The following PALMD variants were observed in gnomAD, a reference collection of about 807,000 sequenced individuals.
The protein encoded by PALMD is palmdelphin.
In PALMD, 42 loss-of-function variants were observed where a neutral mutation model predicts 56.2. The observed-to-expected ratio is 0.75, with a 90% CI of 0.58 to 0.97. PALMD has a LOEUF of 0.97. Among genes scored for constraint, PALMD ranks in the 50% least tolerant of loss-of-function variants. The pLI, the probability that PALMD is intolerant of heterozygous loss-of-function variation, is 0.00. For synonymous variants in PALMD, 242 were observed against 222.9 expected, an observed-to-expected ratio of 1.09 and a Z score of -0.76; for missense variants, 660 against 643.8, an observed-to-expected ratio of 1.03 and a Z score of -0.27.
intron 3 of PALMD, among the ~76,000 whole-genome samples, chr1:99,679,420 A>G (rs1036588106): frequency 1.3e-5 from 2 of 152,176 alleles, no homozygotes; most frequent in African/African-American, 4.8e-5. Context: ...CCGTTCTAAG[A>G]ACTCCTACCA....
intron 3 of PALMD, among the ~76,000 whole-genome samples, chr1:99,672,874 C>T (rs1653116744): frequency 6.6e-6 from 1 of 152,010 alleles, no homozygotes. Flanking sequence ...TTTTAATACT[C>T]CAAAGTGCCC....
intron 2 of PALMD, among the ~76,000 whole-genome samples, chr1:99,667,199 T>C (rs929187322): frequency 1.4e-4 from 22 of 152,292 alleles, no homozygotes; most frequent in African/African-American, 5.3e-4. Flanking sequence ...AGGGGGAATA[T>C]CAAAATAGCT....
intron 3 of PALMD, chr1:99,667,977 C>A: frequency 2.2e-6 from 1 of 463,554 alleles, no homozygotes. Context: ...TCCCAGGGCT[C>A]AAGCAATTCT....
At chr1:99,673,110 G>A (rs895912125) in intron 3 of PALMD, among the ~76,000 whole-genome samples, 2 of 152,112 alleles carry the variant, frequency 1.3e-5, no homozygotes, top group Non-Finnish European at 2.9e-5. Context: ...CCAGGAAAAT[G>A]CATTCTGCTC....
intron 7 of PALMD, among the ~76,000 whole-genome samples, chr1:99,693,744 T>C (rs10875242): frequency 0.16 from 24,376 of 152,160 alleles, 3,519 homozygotes; most frequent in African/African-American, 0.39. Context: ...AAACTGTGCA[T>C]TAATCCTGTA....
intron 3 of PALMD, 121 bp downstream of exon 3, chr1:99,667,887 T>C (rs539056161): frequency 9.9e-7 from 1 of 1,007,010 alleles, no homozygotes; most frequent in South Asian, 1.6e-5. Flanking sequence ...AATTTCTTTT[T>C]TTTTTTTTTA....
chr1:99,675,182 CA>C (rs1653174469), intron 3 of PALMD, among the ~76,000 whole-genome samples: 1 of 151,956 alleles, frequency 6.6e-6, no homozygotes, highest in Middle Eastern at 3.2e-3. Context: ...AGAAACAAAG[CA>C]AAAATGAAGT....
chr1:99,648,228 C>T (rs770125548), intron 1 of PALMD, among the ~76,000 whole-genome samples: 19 of 152,104 alleles, frequency 1.2e-4, no homozygotes, highest in Non-Finnish European at 2.6e-4. Context: ...GAACAAATTT[C>T]TCATAAACCA....
intron 1 of PALMD, among the ~76,000 whole-genome samples, chr1:99,655,459 A>G (rs772077775): frequency 6.6e-6 from 1 of 152,104 alleles, no homozygotes; most frequent in Non-Finnish European, 1.5e-5. Flanking sequence ...CCTTGTCTAA[A>G]TACCACATTC....
At chr1:99,691,635 C>A (rs1048360973) in intron 7 of PALMD, among the ~76,000 whole-genome samples, 7 of 152,052 alleles carry the variant, frequency 4.6e-5, no homozygotes, top group African/African-American at 1.7e-4. Context: ...GTGTCATATG[C>A]CCTCACATGC....
intron 2 of PALMD, among the ~76,000 whole-genome samples, chr1:99,666,998 G>T (rs1022436740): frequency 6.6e-6 from 1 of 152,186 alleles, no homozygotes; most frequent in Non-Finnish European, 1.5e-5. Flanking sequence ...TTGCGCTTAA[G>T]AATGTCTATA....
intron 3 of PALMD, among the ~76,000 whole-genome samples, chr1:99,679,887 A>G (rs10875241): frequency 0.12 from 18,030 of 152,054 alleles, 1,523 homozygotes; most frequent in African/African-American, 0.22. Context: ...GGAACTAACA[A>G]CAGTGCTCAT....
At chr1:99,647,200 T>C (rs1652460924) in intron 1 of PALMD, among the ~76,000 whole-genome samples, 1 of 152,226 alleles carries the variant, frequency 6.6e-6, no homozygotes, top group Admixed American at 6.5e-5. Flanking sequence ...ACTTTTGATG[T>C]AATTGTTTTA....
At chr1:99,667,881 TC>T in intron 3 of PALMD, 115 bp downstream of exon 3, 67 of 1,038,272 alleles carry the variant, frequency 6.5e-5, no homozygotes, top group Admixed American at 2.6e-4. Context: ...CATTTGAATT[TC>T]TTTTTTTTTT....
chr1:99,664,149 G>GA (rs1487444133), intron 2 of PALMD, among the ~76,000 whole-genome samples: 2 of 152,130 alleles, frequency 1.3e-5, no homozygotes, highest in African/African-American at 4.8e-5. Flanking sequence ...CTGTTCACTG[G>GA]AAAAAAGGGG....
At chr1:99,692,667 G>A (rs369932806) in intron 7 of PALMD, among the ~76,000 whole-genome samples, 1 of 152,148 alleles carries the variant, frequency 6.6e-6, no homozygotes, top group Admixed American at 6.5e-5. Context: ...GTAAGAAAAA[G>A]CAATTTGCCC....
intron 7 of PALMD, 103 bp downstream of exon 7, chr1:99,689,975 C>G: frequency 2.0e-6 from 2 of 1,002,254 alleles, no homozygotes; most frequent in Non-Finnish European, 2.9e-6. Context: ...ACCTCATAAA[C>G]TAATACGCAC....
Position 99,689,010 on chromosome 1 carries a change from C to T in PALMD, c.750C>T (p.Asn250=), listed in dbSNP as rs770795459. The T allele has an allele frequency of 2.5e-6, 4 of 1,613,644 alleles. No individual in the cohort carries two copies. Among genetic ancestry groups the T allele is most frequent in the African/African-American group, 2.7e-5 (2 of 74,838 alleles). Reference sequence around the variant, plus strand: ...TTCTAAGACAAGCCTCAGAGAGAAACTCTAAATCCCCAACAGAGTATCATG... The same window carrying T: ...TTCTAAGACAAGCCTCAGAGAGAAATTCTAAATCCCCAACAGAGTATCATG... ...EELLRQASER[N]SKSPTEYHEP... is the part of the protein sequence containing the mutation. The change falls in exon 7 of 8, where the codon AAC becomes AAT. Residue 250 remains asparagine, a synonymous_variant. Coordinates refer to ENST00000263174, the MANE Select transcript of PALMD (RefSeq NM_017734.5).
intron 3 of PALMD, among the ~76,000 whole-genome samples, chr1:99,673,849 A>G (rs1374096323): frequency 1.3e-5 from 2 of 152,324 alleles, no homozygotes; most frequent in East Asian, 3.9e-4. Context: ...GTGAATACAT[A>G]GCTTAATAAG....
Sources: allele counts gnomAD v4.1 joint callset (sites outside exome capture counted in the v4.1 genomes callset), GRCh38; gene constraint gnomAD v4.1.1; transcripts MANE v1.5; gene names NCBI Gene and HGNC (gene_info 2026-07-23, HGNC 2026-07-21).